Variants in GTF2E2 observed in about 807,000 individuals in gnomAD.
The protein encoded by GTF2E2 is transcription initiation factor IIE subunit beta.
Under a neutral mutation model 40.5 loss-of-function variants are expected in GTF2E2, and 21 were observed. The ratio of observed to expected loss-of-function variants is 0.52; its 90% CI spans 0.37 to 0.75. GTF2E2 has a LOEUF of 0.75. GTF2E2 is among the 30% of genes least tolerant of loss of function. The pLI is 0.00. For synonymous variants in GTF2E2, 117 were observed against 121.6 expected (o/e 0.96, Z 0.25); for missense variants, 298 against 338.4 (o/e 0.88, Z 0.94).
At chr8:30,655,797 TCA>T (rs930005834) in intron 1 of GTF2E2, among the ~76,000 whole-genome samples, 6 of 152,152 alleles carry the variant, frequency 3.9e-5, no homozygotes, top group Admixed American at 3.9e-4. Context: ...CTGCCTTCTC[TCA>T]GTTTCAATTT....
intron 6 of GTF2E2, among the ~76,000 whole-genome samples, chr8:30,600,409 TGTTCCAA>T (rs1829143808): frequency 6.6e-6 from 1 of 152,206 alleles, no homozygotes; most frequent in Non-Finnish European, 1.5e-5. Flanking sequence ...CACCAGATTC[TGTTCCAA>T]GTTCCAAGCA....
intron 2 of GTF2E2, among the ~76,000 whole-genome samples, chr8:30,651,838 A>G (rs1216066104): frequency 6.6e-6 from 1 of 152,236 alleles, no homozygotes; most frequent in Non-Finnish European, 1.5e-5. Context: ...ACAATGCTAC[A>G]GCACTCAAGA....
chr8:30,620,113 T>C (rs1462412764), intron 3 of GTF2E2, among the ~76,000 whole-genome samples: 2 of 152,046 alleles, frequency 1.3e-5, no homozygotes, highest in South Asian at 2.1e-4. Flanking sequence ...ACTCTGACTT[T>C]AGCCCAGCAA....
intron 2 of GTF2E2, among the ~76,000 whole-genome samples, chr8:30,648,782 T>C (rs1802181641): frequency 6.6e-6 from 1 of 152,232 alleles, no homozygotes; most frequent in Non-Finnish European, 1.5e-5. Context: ...TACCAATCCA[T>C]GATAAACATG....
chr8:30,637,393 C>T, intron 2 of GTF2E2: 1 of 423,630 alleles, frequency 2.4e-6, no homozygotes, highest in Non-Finnish European at 4.7e-6. Flanking sequence ...CTACTACTAA[C>T]TCAATGTCAA....
chr8:30,637,219 T>C lies in GTF2E2; in HGVS notation c.167-2096A>G, dbSNP rs555181416. On this transcript the variant is annotated intron_variant, in intron 2 of 7. Transcript: ENST00000355904. ...TCTGTGACTGCACATTTAATGCTTG[T>C]TTAAGTAAAATAATATTAAGCTTAC... 3.7e-3 allele frequency: 1,110 copies of C among 296,266 alleles called. 10 individuals are homozygous for C. Among genetic ancestry groups the C allele is most frequent in the South Asian group, 0.013 (602 of 46,866 alleles). The allele number at this position is 296,266 out of a possible 1,614,324, so 18.4% of individuals were successfully genotyped here.
At chr8:30,654,155 C>T (rs1802380920) in intron 1 of GTF2E2, among the ~76,000 whole-genome samples, 1 of 151,554 alleles carries the variant, frequency 6.6e-6, no homozygotes. Flanking sequence ...CAGAACTGTG[C>T]TGTCCAATAT....
intron 6 of GTF2E2, among the ~76,000 whole-genome samples, chr8:30,588,272 C>T (rs1828740948): frequency 6.6e-6 from 1 of 152,154 alleles, no homozygotes; most frequent in East Asian, 1.9e-4. Flanking sequence ...CTTGCACTCC[C>T]ATGTTCACTG....
At chr8:30,645,705 G>A (rs1802050089) in intron 2 of GTF2E2, 2 of 1,137,150 alleles carry the variant, frequency 1.8e-6, no homozygotes, top group African/African-American at 1.6e-5. Context: ...TGACTGAATG[G>A]TTAAAACATT....
At chr8:30,585,679 A>C (rs1828660776) in intron 6 of GTF2E2, among the ~76,000 whole-genome samples, 1 of 151,150 alleles carries the variant, frequency 6.6e-6, no homozygotes, top group Non-Finnish European at 1.5e-5. Context: ...GGAGGATCAT[A>C]CTTACTAATA....
rs1035929844 is a variant in GTF2E2 at position 30,645,649 on chromosome 8, G to GA, written c.166+7783dup. On this transcript the variant is annotated intron_variant, in intron 2 of 7. Transcript: ENST00000355904. ...CTGAAAGCAGCTCAACCTCTTCTGA[G>GA]AAAAAAAATATATTCTGAGGCCAAC... 3.2e-4 allele frequency: 468 copies of GA among 1,452,384 alleles called. 4 individuals are homozygous for GA. The Middle Eastern group carries it at 4.5e-3, about 14-fold the overall frequency. 90.0% of individuals were successfully genotyped at this position (1,452,384 alleles called of 1,614,324 possible). A position where few individuals can be genotyped will look rare whatever the true frequency, so the allele number is the denominator to read the frequency against.
intron 5 of GTF2E2, 28 bp from the exon 6 acceptor site, chr8:30,607,178 T>C: frequency 1.1e-6 from 1 of 877,424 alleles, no homozygotes; most frequent in Non-Finnish European, 1.8e-6. Flanking sequence ...TAAAGATTTT[T>C]CAGTTAACTC....
intron 2 of GTF2E2, among the ~76,000 whole-genome samples, chr8:30,652,559 A>G (rs1323517220): frequency 6.6e-6 from 1 of 152,186 alleles, no homozygotes; most frequent in Non-Finnish European, 1.5e-5. Context: ...AAAAAAAAAA[A>G]AACAGAATTT....
intron 2 of GTF2E2, among the ~76,000 whole-genome samples, chr8:30,648,302 A>G (rs529526624): frequency 6.6e-6 from 1 of 152,376 alleles, no homozygotes; most frequent in Non-Finnish European, 1.5e-5. Context: ...AGGCTGCAGT[A>G]AAACATGGAC....
At chr8:30,585,776 A>T (rs1422534409) in intron 6 of GTF2E2, among the ~76,000 whole-genome samples, 6 of 33,902 alleles carry the variant, frequency 1.8e-4, no homozygotes, top group African/African-American at 4.8e-4. Context: ...GCCCTTTAAA[A>T]AAAAAAAAAA....
At chr8:30,629,893 C>T (rs1268575493) in intron 3 of GTF2E2, among the ~76,000 whole-genome samples, 1 of 151,700 alleles carries the variant, frequency 6.6e-6, no homozygotes, top group Non-Finnish European at 1.5e-5. Flanking sequence ...TTTACATAAC[C>T]GAGACATAAG....
At chr8:30,644,476 A>T (rs1801987578) in intron 2 of GTF2E2, 2 of 152,132 alleles carry the variant, frequency 1.3e-5, no homozygotes, top group Non-Finnish European at 1.5e-5. Context: ...TTCTTTCTCT[A>T]CTATTTTTCA....
intron 1 of GTF2E2, 52 bp from the exon 2 acceptor site, chr8:30,653,654 G>T: frequency 7.7e-7 from 1 of 1,295,470 alleles, no homozygotes; most frequent in Non-Finnish European, 1.1e-6. Flanking sequence ...ACTCAAACCT[G>T]CACTCCAAAT....
At position 30,658,136 on chromosome 8, in the gene GTF2E2, C is replaced by CTGGTGG; in HGVS notation, c.-169_-168insCCACCA. On this transcript the variant is annotated 5_prime_UTR_variant, in exon 1 of 8. Transcript: ENST00000355904. ...GACCCGCCAGGTCGGGGTCTCACCACTGGCGGTGGCGGCGGCGGCGGCGGC... is the reference window on the plus strand; with the variant it reads ...GACCCGCCAGGTCGGGGTCTCACCACTGGTGGTGGCGGTGGCGGCGGCGGCGGCGGC... 2 of 168,872 alleles carry CTGGTGG rather than the reference C, an allele frequency of 1.2e-5. No individual in the cohort carries two copies. Among genetic ancestry groups the CTGGTGG allele is most frequent in the South Asian group, 9.5e-5 (1 of 10,478 alleles). The allele number at this position is 168,872 out of a possible 1,614,324, so 10.5% of individuals were successfully genotyped here. A position where few individuals can be genotyped will look rare whatever the true frequency, so the allele number is the denominator to read the frequency against.
Sources: gnomAD v4.1 joint callset for allele counts (sites outside exome capture counted in the v4.1 genomes callset) on GRCh38, gnomAD v4.1.1 for gene constraint, MANE v1.5 for transcripts, NCBI Gene and HGNC (gene_info 2026-07-23, HGNC 2026-07-21) for gene names.